Variants in TNIP3 observed in about 807,000 individuals in gnomAD.
TNIP3 encodes the protein TNFAIP3 interacting protein 3, also known as TNFAIP3-interacting protein 3.
TNIP3 carries 34 observed loss-of-function variants against 54.1 expected under a neutral mutation model. That is an observed-to-expected ratio of 0.63 (90% CI 0.48 to 0.84). TNIP3 has a LOEUF of 0.84. Ranked by LOEUF, TNIP3 falls within the 40% of genes least tolerant of loss-of-function variation. The probability of loss-of-function intolerance (pLI) is 0.00; values close to 1 mark genes in which losing one functional copy is unlikely to be tolerated. For missense variants in TNIP3, 366 were observed against 387.6 expected, an observed-to-expected ratio of 0.94 and a Z score of 0.47; for synonymous variants, 134 against 136.8, an observed-to-expected ratio of 0.98 and a Z score of 0.14.
rs758011607 is a variant in TNIP3 at position 121,211,182 on chromosome 4, GGTGAT to G, written c.68+5228_68+5232del. 3.9e-5 allele frequency among the ~76,000 whole-genome samples: 6 copies of G among 152,226 alleles called. No individual in the cohort carries two copies. The East Asian group carries it at 9.7e-4, about 24-fold the overall frequency. On this transcript the variant is annotated intron_variant, in intron 2 of 12. Coordinates refer to the TNIP3 transcript ENST00000507879. ...CTAGTTCAGTTGTCTTGGAAAGAGG[GGTGAT>G]GTGTGATTTAAATAATTATGATCCA...
At chr4:121,219,515 C>T (rs1256182519), upstream of TNIP3, among the ~76,000 whole-genome samples, 1 of 152,164 alleles carries the variant, frequency 6.6e-6, no homozygotes. Flanking sequence ...CCAAAATAAC[C>T]CAACTTTGAA....
chr4:121,157,119 G>T lies in TNIP3; in HGVS notation c.338C>A (p.Thr113Asn), dbSNP rs754969937. The stretch of plus-strand genomic sequence containing the variant: ...CTCCTCCCGCTGCAGCCGGTCCCGG[G>T]TCAGGTCGCGCTGCCTGTCGTCCTC... ...QREDDRQRDL[T>N]RDRLQREEKE... is the part of the protein sequence containing the mutation. Residue 113 changes from threonine to asparagine, a missense_variant, in exon 4 of 11, where the codon ACC (threonine) becomes AAC (asparagine). Physicochemically the swap from Thr to Asn is moderately conservative, Grantham distance 65. Transcript: ENST00000057513. 1 of 1,608,604 alleles carries T rather than the reference G, an allele frequency of 6.2e-7. No homozygotes were observed. Among genetic ancestry groups the T allele is most frequent in the South Asian group, 1.1e-5 (1 of 90,898 alleles).
chr4:121,209,773 T>C (rs1023024348), intron 2 of TNIP3, among the ~76,000 whole-genome samples: 4 of 152,236 alleles, frequency 2.6e-5, no homozygotes, highest in African/African-American at 9.6e-5. Context: ...TGATGTTTTA[T>C]TGATCATTTT....
At chr4:121,217,051 A>C (rs531717939), upstream of TNIP3, among the ~76,000 whole-genome samples, 12 of 152,308 alleles carry the variant, frequency 7.9e-5, no homozygotes, top group African/African-American at 2.9e-4. Context: ...CTTCCGACAG[A>C]ATTTGTTTCT....
At chr4:121,182,777 C>G in exon 3 of TNIP3, 1 of 1,533,980 alleles carries the variant, frequency 6.5e-7, no homozygotes, top group East Asian at 2.4e-5. Flanking sequence ...ATTTTTTTGT[C>G]CAGCTCCATG....
upstream of TNIP3, among the ~76,000 whole-genome samples, chr4:121,219,427 C>G (rs754512508): frequency 3.3e-5 from 5 of 152,176 alleles, no homozygotes; most frequent in Non-Finnish European, 7.3e-5. Flanking sequence ...GTCCTCTGTT[C>G]TTGGATGCAT....
At chr4:121,217,699 A>G (rs978262279), upstream of TNIP3, among the ~76,000 whole-genome samples, 2 of 152,254 alleles carry the variant, frequency 1.3e-5, no homozygotes, top group African/African-American at 2.4e-5. Context: ...AGTGATAACC[A>G]TCTGATAGAG....
intron 2 of TNIP3, among the ~76,000 whole-genome samples, chr4:121,196,817 GCTT>G (rs1252312494): frequency 6.6e-6 from 1 of 151,648 alleles, no homozygotes; most frequent in African/African-American, 2.4e-5. Context: ...TGATAGATTT[GCTT>G]CTATTTTCTT....
At chr4:121,220,782 C>T (rs1036835581), upstream of TNIP3, among the ~76,000 whole-genome samples, 2 of 152,038 alleles carry the variant, frequency 1.3e-5, no homozygotes, top group African/African-American at 4.8e-5. Flanking sequence ...ATTCAGCGTG[C>T]CTTAAGTGCC....
intron 3 of TNIP3, among the ~76,000 whole-genome samples, chr4:121,171,924 G>A (rs1723983917): frequency 6.6e-6 from 1 of 151,984 alleles, no homozygotes; most frequent in Admixed American, 6.6e-5. Context: ...GTAGAGATGG[G>A]GTTTCACCAT....
At chr4:121,147,645 G>A (rs1217882498) in intron 6 of TNIP3, among the ~76,000 whole-genome samples, 2 of 152,150 alleles carry the variant, frequency 1.3e-5, no homozygotes, top group Admixed American at 6.6e-5. Context: ...ACAAAAACAG[G>A]TTTAATTATT....
intron 2 of TNIP3, among the ~76,000 whole-genome samples, chr4:121,197,905 A>G (rs929602624): frequency 6.6e-6 from 1 of 152,234 alleles, no homozygotes; most frequent in Non-Finnish European, 1.5e-5. Context: ...GTTTTGCGCT[A>G]TGGAAAGAAA....
At chr4:121,182,743 G>A (rs1475672706) in exon 3 of TNIP3, 12 of 1,534,104 alleles carry the variant, frequency 7.8e-6, no homozygotes, top group Non-Finnish European at 9.6e-6. Flanking sequence ...ATGAGGAGAC[G>A]CATTTCTCTC....
intron 3 of TNIP3, among the ~76,000 whole-genome samples, chr4:121,171,975 C>T (rs1226871781): frequency 6.6e-6 from 1 of 152,156 alleles, no homozygotes; most frequent in African/African-American, 2.4e-5. Flanking sequence ...TCAAATGATC[C>T]ACCTGCCTCA....
chr4:121,132,769 A>AG (rs1728550616), intron 10 of TNIP3, 107 bp from the exon 11 acceptor site: 4 of 885,378 alleles, frequency 4.5e-6, no homozygotes, highest in Non-Finnish European at 7.0e-6. Flanking sequence ...AAAAAAAAAA[A>AG]GTTATGTTAT....
chr4:121,168,729 A>G (rs1374118223), upstream of TNIP3, among the ~76,000 whole-genome samples: 1 of 152,014 alleles, frequency 6.6e-6, no homozygotes, highest in East Asian at 1.9e-4. Context: ...TATATTGCCC[A>G]CACTGGTCTT....
intron 2 of TNIP3, among the ~76,000 whole-genome samples, chr4:121,213,516 G>A (rs1726593350): frequency 6.6e-6 from 1 of 152,056 alleles, no homozygotes; most frequent in Non-Finnish European, 1.5e-5. Flanking sequence ...CATGAGGTCA[G>A]GAGATCGAGA....
intron 1 of TNIP3, among the ~76,000 whole-genome samples, chr4:121,226,658 TGTAAGCATCTA>T (rs1727271779): frequency 6.6e-6 from 1 of 152,246 alleles, no homozygotes; most frequent in African/African-American, 2.4e-5. Context: ...GCACTGCGCC[TGTAAGCATCTA>T]GTCTACCTTT....
chr4:121,148,085 TA>T (rs1424039827), intron 6 of TNIP3, among the ~76,000 whole-genome samples: 2 of 152,214 alleles, frequency 1.3e-5, no homozygotes, highest in Non-Finnish European at 2.9e-5. Context: ...CAGAGACAGT[TA>T]AACTGATGCT....
Sources: gnomAD v4.1 joint callset for allele counts (sites outside exome capture counted in the v4.1 genomes callset) on GRCh38, gnomAD v4.1.1 for gene constraint, MANE v1.5 for transcripts, NCBI Gene and HGNC (gene_info 2026-07-23, HGNC 2026-07-21) for gene names.